PCDH9: variants seen among roughly 807,000 people sequenced by gnomAD.
PCDH9 encodes protocadherin-9.
Under a neutral mutation model 70.6 loss-of-function variants are expected in PCDH9, and 24 were observed. That is an observed-to-expected ratio of 0.34 (90% confidence interval 0.25 to 0.48). The LOEUF is 0.48. Among genes scored for constraint, PCDH9 ranks in the 20% least tolerant of loss-of-function variants. The pLI, the probability that PCDH9 is intolerant of heterozygous loss-of-function variation, is 0.99. For synonymous variants in PCDH9, 562 were observed against 558.5 expected, an observed-to-expected ratio of 1.01 and a Z score of -0.09; for missense variants, 1,281 against 1,503.6, an observed-to-expected ratio of 0.85 and a Z score of 2.45.
chr13:66,517,918 C>T (rs1413809207), intron 4 of PCDH9, among the ~76,000 whole-genome samples: 2 of 152,126 alleles, frequency 1.3e-5, no homozygotes, highest in African/African-American at 4.8e-5. Context: ...TATGCCCCCA[C>T]ATTCTGCCAT....
intron 4 of PCDH9, among the ~76,000 whole-genome samples, chr13:66,535,714 A>G (rs1273310097): frequency 6.6e-6 from 1 of 152,104 alleles, no homozygotes; most frequent in Non-Finnish European, 1.5e-5. Context: ...TAGACTCAAG[A>G]GACTTGAATC....
intron 4 of PCDH9, among the ~76,000 whole-genome samples, chr13:66,449,326 A>G (rs1461737516): frequency 1.3e-5 from 2 of 152,184 alleles, no homozygotes; most frequent in African/African-American, 4.8e-5. Context: ...AAAACTTCAA[A>G]GTGATTACTT....
intron 3 of PCDH9, among the ~76,000 whole-genome samples, chr13:66,681,677 T>C (rs2139061062): frequency 6.6e-6 from 1 of 152,222 alleles, no homozygotes; most frequent in East Asian, 1.9e-4. Flanking sequence ...CCTTTTATCA[T>C]CCAAGTCTCA....
At chr13:67,198,588 C>T (rs1191393845) in intron 2 of PCDH9, among the ~76,000 whole-genome samples, 1 of 151,814 alleles carries the variant, frequency 6.6e-6, no homozygotes, top group Admixed American at 6.6e-5. Flanking sequence ...TGCTAATCAT[C>T]CACTTAACAA....
intron 2 of PCDH9, among the ~76,000 whole-genome samples, chr13:67,006,600 G>A (rs1432020464): frequency 6.6e-6 from 1 of 152,166 alleles, no homozygotes; most frequent in Non-Finnish European, 1.5e-5. Context: ...GAAGAAGAAA[G>A]CAGATTGGCG....
rs911490776 is a variant in PCDH9 at position 67,168,588 on chromosome 13, CA to C, written c.3036+56816del. 1.8e-4 allele frequency among the ~76,000 whole-genome samples: 28 copies of C among 151,796 alleles called. No individual in the cohort carries two copies. In the East Asian group the frequency reaches 3.5e-3, roughly 19 times the overall value. On this transcript the variant is annotated intron_variant, in intron 2 of 4. Coordinates refer to ENST00000377865, the MANE Select transcript of PCDH9 (RefSeq NM_203487.3). ...CAAAATGTTAAAAAAAAAAATTAGC[CA>C]GGCATGGTGGGTGCACCTGTGTTCC...
At chr13:66,594,418 T>C (rs2077076327) in intron 4 of PCDH9, among the ~76,000 whole-genome samples, 1 of 151,794 alleles carries the variant, frequency 6.6e-6, no homozygotes, top group Non-Finnish European at 1.5e-5. Flanking sequence ...TGAGCCCAGA[T>C]TATAATTGAC....
intron 4 of PCDH9, among the ~76,000 whole-genome samples, chr13:66,608,887 CAG>C (rs910624165): frequency 1.3e-5 from 2 of 152,136 alleles, no homozygotes; most frequent in Non-Finnish European, 2.9e-5. Context: ...GTGCAGAAAA[CAG>C]AGAGAAGATG....
At chr13:66,405,967 T>C (rs1202477982) in intron 4 of PCDH9, among the ~76,000 whole-genome samples, 1 of 151,952 alleles carries the variant, frequency 6.6e-6, no homozygotes, top group African/African-American at 2.4e-5. Context: ...AGGGAGGAGG[T>C]GATGCTAGAG....
chr13:66,397,060 C>A (rs1957112656), intron 4 of PCDH9, among the ~76,000 whole-genome samples: 1 of 152,132 alleles, frequency 6.6e-6, no homozygotes, highest in African/African-American at 2.4e-5. Context: ...AACTGATATA[C>A]TGATTGAAAT....
intron 3 of PCDH9, among the ~76,000 whole-genome samples, chr13:66,702,783 G>A (rs2078663877): frequency 6.6e-6 from 1 of 152,146 alleles, no homozygotes; most frequent in Admixed American, 6.6e-5. Context: ...AGGAAACCTG[G>A]ATGAAGACAT....
chr13:66,345,633 G>T (rs1156959523), intron 4 of PCDH9, among the ~76,000 whole-genome samples: 1 of 152,038 alleles, frequency 6.6e-6, no homozygotes, highest in Non-Finnish European at 1.5e-5. Flanking sequence ...TAAATAAAAG[G>T]TTTCCCCTGA....
chr13:67,095,071 A>G (rs972419), intron 2 of PCDH9, among the ~76,000 whole-genome samples: 15,170 of 151,954 alleles, frequency 0.1, 824 homozygotes, highest in Non-Finnish European at 0.12. Flanking sequence ...TTTTTTTTTC[A>G]AAAAGACAAA....
At chr13:66,780,160 A>G (rs1165578725) in intron 3 of PCDH9, among the ~76,000 whole-genome samples, 1 of 152,064 alleles carries the variant, frequency 6.6e-6, no homozygotes, top group Non-Finnish European at 1.5e-5. Flanking sequence ...TGATTACTTC[A>G]TTATAGTAAC....
intron 4 of PCDH9, among the ~76,000 whole-genome samples, chr13:66,590,756 T>C (rs1347094194): frequency 6.6e-6 from 1 of 151,876 alleles, no homozygotes; most frequent in East Asian, 1.9e-4. Flanking sequence ...TAAAACTAAG[T>C]ACAAAAGAGT....
intron 3 of PCDH9, among the ~76,000 whole-genome samples, chr13:66,809,225 G>A (rs2139357250): frequency 6.6e-6 from 1 of 152,252 alleles, no homozygotes; most frequent in South Asian, 2.1e-4. Flanking sequence ...TGGGATTACA[G>A]GCATGAGCCA....
At chr13:66,480,357 C>G (rs1247507043) in intron 4 of PCDH9, among the ~76,000 whole-genome samples, 2 of 152,136 alleles carry the variant, frequency 1.3e-5, no homozygotes, top group Non-Finnish European at 2.9e-5. Context: ...GAATCTACTC[C>G]TGGTGAAGAT....
At chr13:66,573,392 G>T (rs1442954414) in intron 4 of PCDH9, among the ~76,000 whole-genome samples, 1 of 151,342 alleles carries the variant, frequency 6.6e-6, no homozygotes, top group Admixed American at 6.6e-5. Flanking sequence ...TCTTCACTCG[G>T]TTGATTGTTT....
chr13:66,970,029 A>G (rs1360923248), intron 2 of PCDH9, among the ~76,000 whole-genome samples: 2 of 151,850 alleles, frequency 1.3e-5, no homozygotes, highest in Non-Finnish European at 2.9e-5. Context: ...GTCCCTTTTA[A>G]TGCAATTATA....
Sources: gnomAD v4.1 joint callset for allele counts (sites outside exome capture counted in the v4.1 genomes callset) on GRCh38, gnomAD v4.1.1 for gene constraint, MANE v1.5 for transcripts, NCBI Gene and HGNC (gene_info 2026-07-23, HGNC 2026-07-21) for gene names.